Variants in SPSB4 observed in about 807,000 individuals in gnomAD.
SPSB4 encodes SPRY domain-containing SOCS box protein 4.
In SPSB4, 21 loss-of-function variants were observed where a neutral mutation model predicts 20.9. That is an observed-to-expected ratio of 1.01 (90% confidence interval 0.71 to 1.45). The LOEUF is 1.45. Ranked by LOEUF, SPSB4 falls within the 40% of genes most tolerant of loss-of-function variation. The pLI, the probability that SPSB4 is intolerant of heterozygous loss-of-function variation, is 0.00. For synonymous variants in SPSB4, 207 were observed against 183.8 expected, an observed-to-expected ratio of 1.13 and a Z score of -1.02; for missense variants, 399 against 399.2, an observed-to-expected ratio of 1.00 and a Z score of 0.00.
chr3:141,109,034 G>T (rs915773641), intron 2 of SPSB4, among the ~76,000 whole-genome samples: 1 of 152,046 alleles, frequency 6.6e-6, no homozygotes, highest in Non-Finnish European at 1.5e-5. Flanking sequence ...TCAAAACCTG[G>T]GCCTTTTGGA....
chr3:141,130,075 G>A (rs1324258839), intron 2 of SPSB4, among the ~76,000 whole-genome samples: 1 of 152,226 alleles, frequency 6.6e-6, no homozygotes, highest in East Asian at 1.9e-4. Context: ...GATGGGAGCT[G>A]AGGTCTCTGT....
At chr3:141,080,697 A>G (rs1938214273) in intron 2 of SPSB4, among the ~76,000 whole-genome samples, 1 of 152,228 alleles carries the variant, frequency 6.6e-6, no homozygotes, top group Non-Finnish European at 1.5e-5. Flanking sequence ...ATGCTGCGCA[A>G]GCCACCCAGG....
Position 141,079,609 on chromosome 3 carries a change from G to A in SPSB4, c.694+12811G>A, listed in dbSNP as rs536317991. Among the ~76,000 whole-genome samples, 3 of 152,310 alleles carry A rather than the reference G, an allele frequency of 2.0e-5. No individual in the cohort carries two copies. In the South Asian group the frequency reaches 6.2e-4, roughly 32 times the overall value. On this transcript the variant is annotated intron_variant, in intron 2 of 2. Coordinates refer to ENST00000310546, the MANE Select transcript of SPSB4 (RefSeq NM_080862.3). The stretch of plus-strand genomic sequence containing the variant: ...GTTTATGAAGGGCCTGTGGTGTGCT[G>A]ACCCTTAGCCGGAAGCTGGGCAGCA...
intron 2 of SPSB4, among the ~76,000 whole-genome samples, chr3:141,096,361 C>T (rs1358139361): frequency 1.3e-5 from 2 of 152,222 alleles, no homozygotes; most frequent in Non-Finnish European, 2.9e-5. Flanking sequence ...CCTTATACTT[C>T]TTTTGATGCA....
At chr3:141,092,416 C>T (rs976080202) in intron 2 of SPSB4, among the ~76,000 whole-genome samples, 8 of 152,236 alleles carry the variant, frequency 5.3e-5, no homozygotes, top group African/African-American at 1.7e-4. Context: ...CTACCATTCT[C>T]GACTATCAAC....
chr3:141,093,553 G>C (rs1023105620), intron 2 of SPSB4, among the ~76,000 whole-genome samples: 1 of 152,084 alleles, frequency 6.6e-6, no homozygotes, highest in Non-Finnish European at 1.5e-5. Flanking sequence ...GGCCCAGAGA[G>C]GTTAAGCTGG....
chr3:141,094,756 T>G (rs1938516956), intron 2 of SPSB4, among the ~76,000 whole-genome samples: 1 of 151,498 alleles, frequency 6.6e-6, no homozygotes, highest in Non-Finnish European at 1.5e-5. Flanking sequence ...TTCTCCCTTG[T>G]GCCCTGCCCG....
intron 2 of SPSB4, among the ~76,000 whole-genome samples, chr3:141,104,027 G>A (rs1262962403): frequency 1.3e-5 from 2 of 152,186 alleles, no homozygotes; most frequent in African/African-American, 2.4e-5. Context: ...TTCCCCAACA[G>A]TTTCCAATAA....
intron 2 of SPSB4, among the ~76,000 whole-genome samples, chr3:141,080,936 A>G (rs1279425618): frequency 6.6e-6 from 1 of 152,228 alleles, no homozygotes; most frequent in African/African-American, 2.4e-5. Context: ...AACCTGGCCC[A>G]GTGGGCTCCA....
In SPSB4 at chr3:141,132,261, G is replaced by A. The variant is rs186541751; in HGVS notation, c.695-14881G>A. 5.8e-3 allele frequency: 2,366 copies of A among 409,166 alleles called. 37 individuals carry two copies. Among genetic ancestry groups the A allele is most frequent in the African/African-American group, 0.044 (2,010 of 45,618 alleles). The allele number at this position is 409,166 out of a possible 1,614,324, so 25.3% of individuals were successfully genotyped here. On this transcript the variant is annotated intron_variant, in intron 2 of 2. Coordinates refer to ENST00000310546, the MANE Select transcript of SPSB4 (RefSeq NM_080862.3). ...CGGCTCACTGCAACCTCCGCCTCCC[G>A]GGTTCAAGCTATTCTTCTGCCTCAG...
chr3:141,066,273 A>T lies in SPSB4; in HGVS notation c.169A>T (p.Asn57Tyr). Residue 57 changes from asparagine to tyrosine, a missense_variant, in exon 2 of 3, where the codon AAC (asparagine) becomes TAC (tyrosine). Physicochemically the swap from Asn to Tyr is moderately radical, Grantham distance 143. Coordinates refer to ENST00000310546, the MANE Select transcript of SPSB4 (RefSeq NM_080862.3). ...GGCTGTGCAGCTGCGGCACGCGTGG[A>T]ACCCCGAGGACCGCTCGCTCAACGT... ...GLAVQLRHAW[N>Y]PEDRSLNVFV... 6.4e-7 allele frequency: 1 copy of T among 1,558,626 alleles called. No individual in the cohort carries two copies.
intron 2 of SPSB4, among the ~76,000 whole-genome samples, chr3:141,074,175 G>A (rs1267128342): frequency 6.6e-6 from 1 of 152,132 alleles, no homozygotes; most frequent in Non-Finnish European, 1.5e-5. Context: ...CTTGGCTTCA[G>A]TCCTGACTTG....
intron 2 of SPSB4, among the ~76,000 whole-genome samples, chr3:141,094,365 A>G (rs899036110): frequency 6.6e-6 from 1 of 152,088 alleles, no homozygotes; most frequent in African/African-American, 2.4e-5. Context: ...CCAGATTTGC[A>G]CTGGCTGCCA....
intron 2 of SPSB4, among the ~76,000 whole-genome samples, chr3:141,120,844 A>G (rs1305197993): frequency 1.3e-5 from 2 of 152,084 alleles, no homozygotes; most frequent in Non-Finnish European, 2.9e-5. Context: ...CAGCACACTG[A>G]TGGGTCTTGA....
intron 2 of SPSB4, among the ~76,000 whole-genome samples, chr3:141,120,445 A>C (rs927273844): frequency 1.3e-5 from 2 of 152,206 alleles, no homozygotes; most frequent in Non-Finnish European, 2.9e-5. Flanking sequence ...CTTGGTCCAG[A>C]GTTCAAGTCC....
chr3:141,059,958 T>G (rs1937730081), intron 1 of SPSB4, among the ~76,000 whole-genome samples: 1 of 152,222 alleles, frequency 6.6e-6, no homozygotes, highest in Non-Finnish European at 1.5e-5. Context: ...GGGATTCACA[T>G]CTAGGTCTCC....
intron 2 of SPSB4, among the ~76,000 whole-genome samples, chr3:141,067,380 C>T (rs552723076): frequency 2.6e-5 from 4 of 152,312 alleles, no homozygotes; most frequent in South Asian, 2.1e-4. Context: ...TATCTCCAGC[C>T]GACTGTCATC....
intron 2 of SPSB4, among the ~76,000 whole-genome samples, chr3:141,086,420 T>C (rs1321548716): frequency 1.3e-5 from 2 of 152,228 alleles, no homozygotes; most frequent in Non-Finnish European, 2.9e-5. Context: ...TCTCTGTGCT[T>C]CAGTTTCCTT....
At chr3:141,113,024 T>A (rs1325709042) in intron 2 of SPSB4, among the ~76,000 whole-genome samples, 1 of 152,176 alleles carries the variant, frequency 6.6e-6, no homozygotes, top group Non-Finnish European at 1.5e-5. Flanking sequence ...CTTCTTTGTA[T>A]CTCATGCTGA....
Sources: gnomAD v4.1 joint callset for allele counts (sites outside exome capture counted in the v4.1 genomes callset) on GRCh38, gnomAD v4.1.1 for gene constraint, MANE v1.5 for transcripts, NCBI Gene and HGNC (gene_info 2026-07-23, HGNC 2026-07-21) for gene names.